Variants in PRR35 observed in about 807,000 individuals in gnomAD.
PRR35 encodes proline rich 35, also known as proline-rich protein 35.
Under a neutral mutation model 18.6 loss-of-function variants are expected in PRR35, and 14 were observed. That is an observed-to-expected ratio of 0.75 (90% CI 0.50 to 1.18). The LOEUF (loss-of-function observed/expected upper bound fraction) is 1.18. Ranked by LOEUF, PRR35 falls within the 50% of genes most tolerant of loss-of-function variation. The probability of loss-of-function intolerance (pLI) is 0.00; values close to 1 mark genes in which losing one functional copy is unlikely to be tolerated. For synonymous variants in PRR35, 425 were observed against 378.2 expected (o/e 1.12, Z -1.43); for missense variants, 832 against 792.2 (o/e 1.05, Z -0.60).
Position 565,093 on chromosome 16 carries a change from C to G in PRR35, c.1502C>G (p.Pro501Arg). The change falls in exon 3 of 3, where the codon CCC (proline) becomes CGC (arginine). Residue 501 changes from proline to arginine, a missense_variant. Pro to Arg is a moderately radical substitution (Grantham distance 103). Coordinates refer to ENST00000409413, the MANE Select transcript of PRR35 (RefSeq NM_145270.3). ...PVLTGGTPEP[P>R]GMLGPAAPQP... ...TTGACCGGGGGCACCCCCGAGCCAC[C>G]CGGCATGCTGGGCCCTGCAGCGCCC... 1.3e-6 allele frequency: 2 copies of G among 1,594,822 alleles called. No individual in the cohort carries two copies. The highest frequency in any genetic ancestry group is 1.7e-6 in the Non-Finnish European group (2 of 1,169,950).
chr16:561,831 C>T, intron 1 of PRR35: 1 of 971,870 alleles, frequency 1.0e-6, no homozygotes, highest in Non-Finnish European at 1.2e-6. Context: ...TGTGTAGGGC[C>T]TGTGTGAGCA....
intron 1 of PRR35, chr16:561,872 G>GC (rs1021198183): frequency 7.1e-6 from 5 of 704,566 alleles, no homozygotes; most frequent in Non-Finnish European, 8.7e-6. Context: ...GGTTTGGAAA[G>GC]CCCCCCCACA....
At chr16:563,009 C>A (rs1025725541) in intron 1 of PRR35, among the ~76,000 whole-genome samples, 1 of 151,262 alleles carries the variant, frequency 6.6e-6, no homozygotes, top group South Asian at 2.1e-4. Flanking sequence ...TGCTGATCGG[C>A]GTCAGATGCA....
chr16:565,098 A>G lies in PRR35; in HGVS notation c.1507A>G (p.Met503Val), dbSNP rs1596376438. The change falls in exon 3 of 3, where the codon ATG (methionine) becomes GTG (valine). Residue 503 changes from methionine to valine, a missense_variant. Around this residue, in one of 3 missense-constraint regions of PRR35, gnomAD observed 768 missense variants for 704.1 expected, o/e 1.09. Transcript: ENST00000409413. ...CGGGGGCACCCCCGAGCCACCCGGC[A>G]TGCTGGGCCCTGCAGCGCCCCAACC... ...LTGGTPEPPGMLGPAAPQPFS... is the reference protein window; with the variant it reads ...LTGGTPEPPGVLGPAAPQPFS... 4 of 1,596,722 alleles carry G rather than the reference A, an allele frequency of 2.5e-6. No homozygotes were observed. The Admixed American group carries it at 6.8e-5, about 27-fold the overall frequency.
chr16:565,230 A>G lies in PRR35; in HGVS notation c.1639A>G (p.Thr547Ala). The G allele has an allele frequency of 6.2e-7, 1 of 1,607,644 alleles. No individual in the cohort carries two copies. Among genetic ancestry groups the G allele is most frequent in the Non-Finnish European group, 8.5e-7 (1 of 1,177,692 alleles). ...DPVIPGSGWG[T>A]CVATRSSQTP... is the part of the protein sequence containing the mutation. ...TGTCATTCCTGGCAGTGGCTGGGGC[A>G]CCTGTGTTGCGACGAGGAGTTCCCA... The change falls in exon 3 of 3, where the codon ACC becomes GCC. Residue 547 changes from threonine to alanine, a missense_variant. Physicochemically the swap from Thr to Ala is moderately conservative, Grantham distance 58. Around this residue, in one of 3 missense-constraint regions of PRR35, gnomAD observed 768 missense variants for 704.1 expected, o/e 1.09. Transcript: ENST00000409413.
chr16:565,185 C>T lies in PRR35; in HGVS notation c.1594C>T (p.Leu532Phe). The T allele has an allele frequency of 6.2e-7, 1 of 1,610,976 alleles. No individual in the cohort carries two copies. The highest frequency in any genetic ancestry group is 8.5e-7 in the Non-Finnish European group (1 of 1,179,142). ...CAGCGTCCCACCCCCAGGGCTCCCC[C>T]TCGCAGCCCCAGATGACCCTGTCAT... is the stretch of plus-strand genomic sequence containing the variant. ...DSSVPPPGLP[L>F]AAPDDPVIPG... is the part of the protein sequence containing the mutation. The change falls in exon 3 of 3, where the codon CTC becomes TTC. Residue 532 changes from leucine to phenylalanine, a missense_variant. Coordinates refer to ENST00000409413, the MANE Select transcript of PRR35 (RefSeq NM_145270.3).
chr16:563,735 C>T lies in PRR35; in HGVS notation c.441C>T (p.Ala147=), dbSNP rs1245585254. ...GGCCACCACCCCCTGTGGCTAGGGC[C>T]ACCCGGAAGGGTCCCGGCCCCAGTG... The part of the protein sequence containing the change: ...SPGPPPPVAR[A]TRKGPGPSGL... The change falls in exon 2 of 3, where the codon GCC becomes GCT. Residue 147 remains alanine (A), a synonymous_variant. Transcript: ENST00000409413. 2 of 1,527,650 alleles carry T rather than the reference C, an allele frequency of 1.3e-6. No individual in the cohort carries two copies. The highest frequency in any genetic ancestry group is 2.4e-5 in the South Asian group (2 of 82,124). 94.6% of individuals were successfully genotyped at this position (1,527,650 alleles called of 1,614,324 possible).
Position 563,675 on chromosome 16 carries a change from C to T in PRR35, c.381C>T (p.Gly127=), listed in dbSNP as rs374280285. 99 of 1,568,852 alleles carry T rather than the reference C, an allele frequency of 6.3e-5. No individual in the cohort carries two copies. The East Asian group carries it at 1.2e-3, about 19-fold the overall frequency. Residue 127 remains glycine, a synonymous_variant, in exon 2 of 3, where the codon GGC becomes GGT. Coordinates refer to ENST00000409413, the MANE Select transcript of PRR35 (RefSeq NM_145270.3). ...CCGACATCCACTCCCTGCACTGTGG[C>T]GGAGGCCCCAAGTCCAGGGCCAAGG... ...VVADIHSLHC[G]GGPKSRAKGS...
At position 563,926 on chromosome 16, in the gene PRR35, T is replaced by A; in HGVS notation, c.632T>A (p.Val211Asp). 2 of 1,592,926 alleles carry A rather than the reference T, an allele frequency of 1.3e-6. No individual in the cohort carries two copies. Among genetic ancestry groups the A allele is most frequent in the African/African-American group, 2.7e-5 (2 of 74,366 alleles). The part of the protein sequence containing the change: ...AHSLHLSLLG[V>D]NYPLSPGLFS... ...AGCCTCCACCTGTCTCTGCTGGGCG[T>A]CAACTACCCGCTCAGCCCCGGCCTC... Residue 211 changes from valine (V) to aspartate (D), a missense_variant, in exon 2 of 3, where the codon GTC becomes GAC. Coordinates refer to ENST00000409413, the MANE Select transcript of PRR35 (RefSeq NM_145270.3).
chr16:565,055 G>C lies in PRR35; in HGVS notation c.1464G>C (p.Glu488Asp), dbSNP rs1036851106. 1.3e-6 allele frequency: 2 copies of C among 1,594,526 alleles called. No individual in the cohort carries two copies. The highest frequency in any genetic ancestry group is 8.5e-7 in the Non-Finnish European group (1 of 1,170,906). ...QALGEAWGRPELGPVLTGGTP... is the reference protein window; with the variant it reads ...QALGEAWGRPDLGPVLTGGTP... Reference sequence around the variant, plus strand: ...TTGGAGAGGCGTGGGGGCGGCCCGAGCTGGGTCCCGTGTTGACCGGGGGCA... The same window carrying C: ...TTGGAGAGGCGTGGGGGCGGCCCGACCTGGGTCCCGTGTTGACCGGGGGCA... The change falls in exon 3 of 3, where the codon GAG (glutamate) becomes GAC (aspartate). Residue 488 changes from glutamate (E) to aspartate (D), a missense_variant. Physicochemically the swap from Glu to Asp is conservative, Grantham distance 45. This residue lies in a region of PRR35 where 768 missense variants were observed against 704.1 expected (regional missense o/e 1.09). Transcript: ENST00000409413.
Position 563,773 on chromosome 16 carries a change from A to C in PRR35, c.479A>C (p.Glu160Ala). Reference protein sequence around the residue: ...KGPGPSGLLPESWKPGMGGDP... With the variant: ...KGPGPSGLLPASWKPGMGGDP... ...CCCGGCCCCAGTGGGCTCCTGCCTGAGTCGTGGAAGCCGGGGATGGGAGGG... is the reference window on the plus strand; with the variant it reads ...CCCGGCCCCAGTGGGCTCCTGCCTGCGTCGTGGAAGCCGGGGATGGGAGGG... The change falls in exon 2 of 3, where the codon GAG (glutamate) becomes GCG (alanine). Residue 160 changes from glutamate (E) to alanine (A), a missense_variant. Coordinates refer to ENST00000409413, the MANE Select transcript of PRR35 (RefSeq NM_145270.3). 1.3e-6 allele frequency: 2 copies of C among 1,499,946 alleles called. No individual in the cohort carries two copies. Among genetic ancestry groups the C allele is most frequent in the Non-Finnish European group, 1.8e-6 (2 of 1,124,824 alleles). 92.9% of individuals were successfully genotyped at this position (1,499,946 alleles called of 1,614,324 possible). A position where few individuals can be genotyped will look rare whatever the true frequency, so the allele number is the denominator to read the frequency against.
At position 563,400 on chromosome 16, in the gene PRR35, A is replaced by C; in HGVS notation, c.106A>C (p.Asn36His). ...CCCGCGGCCCTGGGGCAAACCCTAC[A>C]ACTACAAATGCTTCCAGTGCCCCTT... ...YIPRPWGKPY[N>H]YKCFQCPFTC... The change falls in exon 2 of 3, where the codon AAC becomes CAC. Residue 36 changes from asparagine (N) to histidine (H), a missense_variant. This residue lies in a region of PRR35 where 56 missense variants were observed against 64.8 expected (regional missense o/e 0.86). Coordinates refer to ENST00000409413, the MANE Select transcript of PRR35 (RefSeq NM_145270.3). 1.2e-6 allele frequency: 2 copies of C among 1,612,394 alleles called. No individual in the cohort carries two copies. Among genetic ancestry groups the C allele is most frequent in the Non-Finnish European group, 1.7e-6 (2 of 1,179,656 alleles).
chr16:562,112 C>T lies in PRR35; in HGVS notation c.-39-1144C>T, dbSNP rs545392566. Among the ~76,000 whole-genome samples, 10 of 152,372 alleles carry T rather than the reference C, an allele frequency of 6.6e-5. 1 individual carries two copies. The highest frequency in any genetic ancestry group is 4.1e-4 in the South Asian group (2 of 4,832). On this transcript the variant is annotated intron_variant, in intron 1 of 2. Coordinates refer to ENST00000409413, the MANE Select transcript of PRR35 (RefSeq NM_145270.3). ...AGGCGTGCTGTGCACCCCACACAGG[C>T]GCGTGCTGGGGCGGTGGACAGCCCA...
intron 1 of PRR35, among the ~76,000 whole-genome samples, chr16:562,449 T>A (rs1273200415): frequency 6.6e-6 from 1 of 152,088 alleles, no homozygotes; most frequent in Non-Finnish European, 1.5e-5. Flanking sequence ...CATGCATGCA[T>A]GCACACATGC....
chr16:560,629 A>G lies in PRR35; in HGVS notation c.-72A>G, dbSNP rs2035416565. The G allele has an allele frequency of 2.0e-6, 2 of 982,574 alleles. No homozygotes were observed. The highest frequency in any genetic ancestry group is 2.4e-6 in the Non-Finnish European group (2 of 828,880). 60.9% of individuals were successfully genotyped at this position (982,574 alleles called of 1,614,324 possible). ...GTTTGCGCCCTACACGCGGCCTCGCAGACTTGGCGGCTCCGCTCCCGGCCG... is the reference window on the plus strand; with the variant it reads ...GTTTGCGCCCTACACGCGGCCTCGCGGACTTGGCGGCTCCGCTCCCGGCCG... On this transcript the variant is annotated 5_prime_UTR_variant, in exon 1 of 3. Coordinates refer to ENST00000409413, the MANE Select transcript of PRR35 (RefSeq NM_145270.3).
At chr16:563,108 G>A (rs1350278744) in intron 1 of PRR35, 148 bp from the exon 2 acceptor site, 4 of 688,484 alleles carry the variant, frequency 5.8e-6, no homozygotes, top group Non-Finnish European at 8.8e-6. Context: ...GCCGAAGGAT[G>A]GGGCTCGGGG....
chr16:562,454 A>G (rs1384210974), intron 1 of PRR35, among the ~76,000 whole-genome samples: 1 of 152,178 alleles, frequency 6.6e-6, no homozygotes, highest in African/African-American at 2.4e-5. Context: ...ATGCATGCAC[A>G]CATGCACACA....
chr16:564,757 T>C lies in PRR35; in HGVS notation c.1166T>C (p.Leu389Pro), dbSNP rs970945067. The change falls in exon 3 of 3, where the codon CTC becomes CCC. Residue 389 changes from leucine (L) to proline (P), a missense_variant. Leu to Pro is a moderately conservative substitution (Grantham distance 98). Coordinates refer to ENST00000409413, the MANE Select transcript of PRR35 (RefSeq NM_145270.3). ...GPETPGPEGP[L>P]PLQPRGPVPG... ...GAGACCCCCGGCCCTGAGGGCCCCC[T>C]CCCCCTGCAGCCACGGGGCCCAGTG... 4 of 1,536,106 alleles carry C rather than the reference T, an allele frequency of 2.6e-6. No individual in the cohort carries two copies. In the East Asian group the frequency reaches 9.8e-5, roughly 37 times the overall value.
At position 560,477 on chromosome 16, in the gene PRR35, A is replaced by C; in HGVS notation, c.-224A>C. ...GTCGCTGCCGCTCGAGGGACCGCGG[A>C]CCCGGGAGGTCCGGCTCCCGGCGCC... On this transcript the variant is annotated 5_prime_UTR_variant, in exon 1 of 3. Coordinates refer to ENST00000409413, the MANE Select transcript of PRR35 (RefSeq NM_145270.3). The C allele has an allele frequency of 2.0e-6, 2 of 981,080 alleles. No individual in the cohort carries two copies. Among genetic ancestry groups the C allele is most frequent in the Non-Finnish European group, 2.4e-6 (2 of 828,532 alleles). The allele number at this position is 981,080 out of a possible 1,614,324, so 60.8% of individuals were successfully genotyped here. A position where few individuals can be genotyped will look rare whatever the true frequency, so the allele number is the denominator to read the frequency against.
Sources: allele counts gnomAD v4.1 joint callset (sites outside exome capture counted in the v4.1 genomes callset), GRCh38; gene constraint gnomAD v4.1.1; regional missense constraint gnomAD v4.1.1; transcripts MANE v1.5; gene names NCBI Gene and HGNC (gene_info 2026-07-23, HGNC 2026-07-21).